Variants in CDCA7L observed in about 807,000 individuals in gnomAD.
CDCA7L encodes the protein cell division cycle-associated 7-like protein.
CDCA7L carries 44 observed loss-of-function variants against 57.4 expected under a neutral mutation model. The ratio of observed to expected loss-of-function variants is 0.77; its 90% CI spans 0.60 to 0.98. The LOEUF (loss-of-function observed/expected upper bound fraction) is 0.98. CDCA7L is among the 50% of genes least tolerant of loss of function. The pLI, the probability that CDCA7L is intolerant of heterozygous loss-of-function variation, is 0.00. For synonymous variants in CDCA7L, 236 were observed against 202.8 expected, an observed-to-expected ratio of 1.16 and a Z score of -1.39; for missense variants, 644 against 580.6, an observed-to-expected ratio of 1.11 and a Z score of -1.12.
At chr7:21,927,638 C>G (rs1001483303) in intron 1 of CDCA7L, among the ~76,000 whole-genome samples, 4 of 152,168 alleles carry the variant, frequency 2.6e-5, no homozygotes, top group African/African-American at 9.7e-5. Context: ...ACTCCCCAAA[C>G]TGGCTGAAAG....
chr7:21,928,924 G>C (rs754278557), intron 1 of CDCA7L, among the ~76,000 whole-genome samples: 3 of 152,072 alleles, frequency 2.0e-5, no homozygotes, highest in Non-Finnish European at 2.9e-5. Context: ...TAGCAAGACA[G>C]GCCAACATTC....
At chr7:21,943,090 G>T (rs767686991) in intron 1 of CDCA7L, among the ~76,000 whole-genome samples, 1 of 152,170 alleles carries the variant, frequency 6.6e-6, no homozygotes, top group South Asian at 2.1e-4. Flanking sequence ...CAGCAAGCTG[G>T]AGCTCCCATG....
chr7:21,903,202 C>T (rs933170389), intron 8 of CDCA7L, 88 bp from the exon 9 acceptor site: 22 of 1,302,442 alleles, frequency 1.7e-5, no homozygotes, highest in Non-Finnish European at 2.1e-5. Flanking sequence ...GCTCAGCTGG[C>T]CTCTCCTCCA....
chr7:21,912,522 G>C (rs1158004506), intron 2 of CDCA7L, among the ~76,000 whole-genome samples: 2 of 152,200 alleles, frequency 1.3e-5, no homozygotes, highest in African/African-American at 4.8e-5. Context: ...GATATGAGGA[G>C]AAAACCTGGC....
chr7:21,940,359 T>C lies in CDCA7L; in HGVS notation c.24+5422A>G, dbSNP rs556867221. On this transcript the variant is annotated intron_variant, in intron 1 of 9. Transcript: ENST00000406877. ...TATATAAATGTTAATTAAAAGAGTATATTACTAACAATACTACTTTGCCCT... is the reference window on the plus strand; with the variant it reads ...TATATAAATGTTAATTAAAAGAGTACATTACTAACAATACTACTTTGCCCT... 12 of 941,548 alleles carry C rather than the reference T, an allele frequency of 1.3e-5. No individual in the cohort carries two copies. In the South Asian group the frequency reaches 3.4e-4, roughly 27 times the overall value. The allele number at this position is 941,548 out of a possible 1,614,324, so 58.3% of individuals were successfully genotyped here.
chr7:21,912,563 C>G (rs1205499219), intron 2 of CDCA7L, among the ~76,000 whole-genome samples: 2 of 152,172 alleles, frequency 1.3e-5, no homozygotes, highest in Non-Finnish European at 2.9e-5. Flanking sequence ...CCCTTTCCAA[C>G]AGCCTTTCAA....
In CDCA7L at chr7:21,903,249, AG is replaced by A. The variant is rs750110107; in HGVS notation, c.1198-136del. ...CATGGCATCTTTCAGTCTACGTCCC[AG>A]GGGGCTCCTCACAAGGCAGGAAGGC... On this transcript the variant is annotated intron_variant, in intron 8 of 9. Coordinates refer to ENST00000406877, the MANE Select transcript of CDCA7L (RefSeq NM_018719.5). 887 of 779,736 alleles carry A rather than the reference AG, an allele frequency of 1.1e-3. 9 individuals are homozygous for A. The highest frequency in any genetic ancestry group is 1.5e-3 in the Middle Eastern group (6 of 3,996). The allele number at this position is 779,736 out of a possible 1,614,324, so 48.3% of individuals were successfully genotyped here. A position where few individuals can be genotyped will look rare whatever the true frequency, so the allele number is the denominator to read the frequency against.
rs891266206 is a variant in CDCA7L at position 21,912,305 on chromosome 7, C to T, written c.166-551G>A. Among the ~76,000 whole-genome samples the T allele has an allele frequency of 3.9e-5, 6 of 152,106 alleles. 1 individual carries two copies. Among genetic ancestry groups the T allele is most frequent in the African/African-American group, 1.4e-4 (6 of 41,432 alleles). On this transcript the variant is annotated intron_variant, in intron 2 of 9. Coordinates refer to ENST00000406877, the MANE Select transcript of CDCA7L (RefSeq NM_018719.5). ...TGAGACCCTCTCTCAAAAAAACCCG[C>T]ATACGTACACGTATATATTACATAT...
intron 1 of CDCA7L, among the ~76,000 whole-genome samples, chr7:21,924,993 C>T (rs2128065036): frequency 6.6e-6 from 1 of 152,248 alleles, no homozygotes; most frequent in East Asian, 1.9e-4. Flanking sequence ...ATGGGGAGGA[C>T]TTTCACCAAT....
In CDCA7L at chr7:21,901,379, CGCTATCCTTAGAGTGAAA is replaced by C. The variant is rs1385804658; in HGVS notation, c.*925_*942del. On this transcript the variant is annotated 3_prime_UTR_variant, in exon 10 of 10. Coordinates refer to ENST00000406877, the MANE Select transcript of CDCA7L (RefSeq NM_018719.5). Reference sequence around the variant, plus strand: ...ACTCACACGTGCATTCTTTTTTCAACGCTATCCTTAGAGTGAAAGTCAGAAAAAAATACTAGAAACTAA... The same window carrying C: ...ACTCACACGTGCATTCTTTTTTCAACGTCAGAAAAAAATACTAGAAACTAA... 1 of 1,303,196 alleles carries C rather than the reference CGCTATCCTTAGAGTGAAA, an allele frequency of 7.7e-7. No individual in the cohort carries two copies. The highest frequency in any genetic ancestry group is 1.0e-6 in the Non-Finnish European group (1 of 1,003,048). The allele number at this position is 1,303,196 out of a possible 1,614,324, so 80.7% of individuals were successfully genotyped here.
At chr7:21,902,401 T>TGGCATTCTAGGCTTGAGAGATTCC in intron 9 of CDCA7L, 49 bp from the exon 10 acceptor site, 2 of 1,555,276 alleles carry the variant, frequency 1.3e-6, no homozygotes, top group Non-Finnish European at 1.8e-6. Context: ...AATACACAAA[T>TGGCATTCTAGGCTTGAGAGATTCC]GGCATTCTAG....
chr7:21,939,134 T>A (rs1786264915), intron 1 of CDCA7L, among the ~76,000 whole-genome samples: 1 of 152,142 alleles, frequency 6.6e-6, no homozygotes, highest in Non-Finnish European at 1.5e-5. Context: ...TCATATGAGA[T>A]ACCTAGGATA....
rs1307499698 is a variant in CDCA7L at position 21,902,088 on chromosome 7, A to C, written c.*234T>G. The C allele has an allele frequency of 5.8e-6, 3 of 517,582 alleles. No homozygotes were observed. Among genetic ancestry groups the C allele is most frequent in the Non-Finnish European group, 1.0e-5 (3 of 288,706 alleles). The allele number at this position is 517,582 out of a possible 1,614,324, so 32.1% of individuals were successfully genotyped here. On this transcript the variant is annotated 3_prime_UTR_variant, in exon 10 of 10. Coordinates refer to ENST00000406877, the MANE Select transcript of CDCA7L (RefSeq NM_018719.5). ...TTAATAACTGGCAGATATTTTTAAC[A>C]AAGTTCAGCATACAGACAGGTCTGT...
intron 1 of CDCA7L, among the ~76,000 whole-genome samples, chr7:21,939,251 A>T (rs921672457): frequency 6.6e-6 from 1 of 152,176 alleles, no homozygotes; most frequent in African/African-American, 2.4e-5. Flanking sequence ...TAAAATGATG[A>T]AAAAGCTCAT....
intron 1 of CDCA7L, among the ~76,000 whole-genome samples, chr7:21,918,767 T>C (rs549277588): frequency 6.6e-6 from 1 of 152,320 alleles, no homozygotes. Context: ...CTTTTTTTAG[T>C]GATGTTGCTG....
Position 21,906,485 on chromosome 7 carries a change from C to T in CDCA7L, c.754-29G>A, listed in dbSNP as rs772929155. ...AAATCAAGAGCACAGACAGAGACAA[C>T]TGGGGACTCTCTCGAATAAAAGCCG... On this transcript the variant is annotated intron_variant, in intron 5 of 9. Coordinates refer to ENST00000406877, the MANE Select transcript of CDCA7L (RefSeq NM_018719.5). 29 of 1,611,036 alleles carry T rather than the reference C, an allele frequency of 1.8e-5. No individual in the cohort carries two copies. In the East Asian group the frequency reaches 5.8e-4, roughly 32 times the overall value.
intron 1 of CDCA7L, among the ~76,000 whole-genome samples, chr7:21,922,151 G>A (rs1320562055): frequency 3.9e-5 from 6 of 152,094 alleles, no homozygotes; most frequent in Non-Finnish European, 8.8e-5. Flanking sequence ...TACATGAGGG[G>A]AATTAAAAAT....
chr7:21,934,249 A>G (rs1263147146), intron 1 of CDCA7L, among the ~76,000 whole-genome samples: 1 of 152,212 alleles, frequency 6.6e-6, no homozygotes, highest in Non-Finnish European at 1.5e-5. Context: ...CACAACACAT[A>G]AAGATGTAAT....
intron 8 of CDCA7L, 45 bp from the exon 9 acceptor site, chr7:21,903,159 G>A: frequency 1.3e-6 from 2 of 1,585,672 alleles, no homozygotes; most frequent in Non-Finnish European, 1.7e-6. Flanking sequence ...TATCTACAGG[G>A]TCTGGCAAGA....
Sources: gnomAD v4.1 joint callset for allele counts (sites outside exome capture counted in the v4.1 genomes callset) on GRCh38, gnomAD v4.1.1 for gene constraint, MANE v1.5 for transcripts, NCBI Gene and HGNC (gene_info 2026-07-23, HGNC 2026-07-21) for gene names.